The following PIGL variants were observed in gnomAD, a reference collection of about 807,000 sequenced individuals.
PIGL encodes N-acetylglucosaminyl-phosphatidylinositol de-N-acetylase.
In PIGL, 22 loss-of-function variants were observed where a neutral mutation model predicts 31.1. That is an observed-to-expected ratio of 0.71 (90% CI 0.51 to 1.01). PIGL has a LOEUF of 1.01. PIGL is among the 50% of genes least tolerant of loss of function. The probability of loss-of-function intolerance (pLI) is 0.00; values close to 1 mark genes in which losing one functional copy is unlikely to be tolerated. For missense variants in PIGL, 302 were observed against 315.9 expected (o/e 0.96, Z 0.33); for synonymous variants, 131 against 117.4 (o/e 1.12, Z -0.75).
chr17:16,229,509 A>G (rs1012347649), intron 1 of PIGL, among the ~76,000 whole-genome samples: 3 of 131,414 alleles, frequency 2.3e-5, no homozygotes, highest in African/African-American at 8.7e-5. Context: ...TTTGAGTATA[A>G]TTGCTGAGAC....
At chr17:16,217,590 C>G in intron 1 of PIGL, 129 bp downstream of exon 1, 1 of 728,306 alleles carries the variant, frequency 1.4e-6, no homozygotes, top group South Asian at 1.8e-5. Context: ...GGTCTTACCT[C>G]TGAACCCCTC....
At chr17:16,246,227 T>C (rs1174369022) in intron 2 of PIGL, among the ~76,000 whole-genome samples, 1 of 151,482 alleles carries the variant, frequency 6.6e-6, no homozygotes, top group Non-Finnish European at 1.5e-5. Flanking sequence ...CTATTAAAAG[T>C]AAGTACTTCA....
chr17:16,242,262 C>T (rs901772676), intron 2 of PIGL, among the ~76,000 whole-genome samples: 1 of 152,150 alleles, frequency 6.6e-6, no homozygotes, highest in Non-Finnish European at 1.5e-5. Context: ...CCATGTCACC[C>T]AGGCTGGTCT....
chr17:16,271,644 G>C (rs904775885), intron 2 of PIGL, among the ~76,000 whole-genome samples: 3 of 151,452 alleles, frequency 2.0e-5, no homozygotes, highest in Non-Finnish European at 4.4e-5. Flanking sequence ...CAATTCTTCT[G>C]CCTCAGCCTC....
chr17:16,237,378 G>C (rs2092703688), intron 2 of PIGL, among the ~76,000 whole-genome samples: 1 of 151,448 alleles, frequency 6.6e-6, no homozygotes, highest in Non-Finnish European at 1.5e-5. Flanking sequence ...AAAGTGCTGG[G>C]ATTACAGACG....
At chr17:16,284,277 C>T (rs778423930) in intron 2 of PIGL, among the ~76,000 whole-genome samples, 16 of 151,886 alleles carry the variant, frequency 1.1e-4, no homozygotes, top group Non-Finnish European at 7.4e-5. Context: ...GCGCCTAGCC[C>T]GAAAGTTGCT....
intron 2 of PIGL, among the ~76,000 whole-genome samples, chr17:16,273,300 T>C (rs1323227440): frequency 6.6e-6 from 1 of 152,188 alleles, no homozygotes; most frequent in East Asian, 1.9e-4. Context: ...GCATTCCATA[T>C]GAGTTCTTCC....
chr17:16,248,723 T>C (rs2092758889), intron 2 of PIGL, among the ~76,000 whole-genome samples: 1 of 152,176 alleles, frequency 6.6e-6, no homozygotes, highest in African/African-American at 2.4e-5. Context: ...CTCTACCCAT[T>C]ATCTAGTTCC....
intron 2 of PIGL, among the ~76,000 whole-genome samples, chr17:16,298,653 T>C (rs2092992243): frequency 6.6e-6 from 1 of 152,218 alleles, no homozygotes; most frequent in African/African-American, 2.4e-5. Context: ...GCTAAAGCAT[T>C]TTGGCTTTGC....
intron 3 of PIGL, among the ~76,000 whole-genome samples, chr17:16,301,053 T>C (rs1356432441): frequency 6.6e-6 from 1 of 152,194 alleles, no homozygotes; most frequent in East Asian, 1.9e-4. Flanking sequence ...AAATTCCACA[T>C]TTAAAGCCTC....
intron 2 of PIGL, among the ~76,000 whole-genome samples, chr17:16,237,203 G>C (rs1371283804): frequency 1.4e-5 from 2 of 147,470 alleles, no homozygotes; most frequent in Non-Finnish European, 3.0e-5. Flanking sequence ...CGCCACCTGA[G>C]CTAAAGTGAT....
At chr17:16,260,748 C>A (rs554853279) in intron 2 of PIGL, among the ~76,000 whole-genome samples, 1 of 152,250 alleles carries the variant, frequency 6.6e-6, no homozygotes, top group East Asian at 1.9e-4. Context: ...CTATCTTGCT[C>A]ACCCTCTAGT....
At chr17:16,239,249 C>T (rs1178243430) in intron 2 of PIGL, among the ~76,000 whole-genome samples, 5 of 149,992 alleles carry the variant, frequency 3.3e-5, no homozygotes, top group East Asian at 2.0e-4. Flanking sequence ...TTTGGGAGGC[C>T]GAGGCAGGCG....
intron 1 of PIGL, among the ~76,000 whole-genome samples, chr17:16,222,359 C>T (rs2092633321): frequency 1.3e-5 from 2 of 151,766 alleles, no homozygotes; most frequent in Admixed American, 6.6e-5. Flanking sequence ...CTTGGATTTG[C>T]ATGAATAATT....
At chr17:16,219,656 C>T (rs538148044) in intron 1 of PIGL, among the ~76,000 whole-genome samples, 1 of 152,220 alleles carries the variant, frequency 6.6e-6, no homozygotes, top group African/African-American at 2.4e-5. Context: ...CAACCTACGC[C>T]TCCTGAGTTT....
At chr17:16,298,031 A>G (rs958355710) in intron 2 of PIGL, among the ~76,000 whole-genome samples, 1 of 152,138 alleles carries the variant, frequency 6.6e-6, no homozygotes, top group Non-Finnish European at 1.5e-5. Flanking sequence ...CGAGGGATCT[A>G]GGTTGCACGC....
intron 1 of PIGL, among the ~76,000 whole-genome samples, chr17:16,224,452 A>G (rs1328019298): frequency 1.3e-5 from 2 of 151,580 alleles, no homozygotes; most frequent in Non-Finnish European, 2.9e-5. Context: ...GACTACAGGC[A>G]TGCACCACCA....
At chr17:16,242,644 C>CTTTTTTTTTTTTTTTT (rs35572629) in intron 2 of PIGL, among the ~76,000 whole-genome samples, 4 of 79,058 alleles carry the variant, frequency 5.1e-5, no homozygotes, top group Admixed American at 1.8e-4. Flanking sequence ...TTTCTGATTC[C>CTTTTTTTTTTTTTTTT]TTTTTTTTTT....
chr17:16,266,576 T>C (rs1178220492), intron 2 of PIGL, among the ~76,000 whole-genome samples: 1 of 151,736 alleles, frequency 6.6e-6, no homozygotes, highest in African/African-American at 2.4e-5. Context: ...GACTTACAAG[T>C]GGAGCTGCTC....
Sources: gnomAD v4.1 joint callset for allele counts (sites outside exome capture counted in the v4.1 genomes callset) on GRCh38, gnomAD v4.1.1 for gene constraint, MANE v1.5 for transcripts, NCBI Gene and HGNC (gene_info 2026-07-23, HGNC 2026-07-21) for gene names.